Variants in PRKCQ observed in about 807,000 individuals in gnomAD.
PRKCQ encodes the protein protein kinase C theta.
In PRKCQ, 41 loss-of-function variants were observed where a neutral mutation model predicts 91.2. That is an observed-to-expected ratio of 0.45 (90% CI 0.35 to 0.58). The LOEUF (loss-of-function observed/expected upper bound fraction) is 0.58, where lower values mean the gene tolerates loss of function less well. Ranked by LOEUF, PRKCQ falls within the 20% of genes least tolerant of loss-of-function variation. The pLI, the probability that PRKCQ is intolerant of heterozygous loss-of-function variation, is 0.00. For synonymous variants in PRKCQ, 307 were observed against 316.9 expected (o/e 0.97, Z 0.33); for missense variants, 673 against 896.5 (o/e 0.75, Z 3.18).
the PRKCQ span, among the ~76,000 whole-genome samples, chr10:6,419,703 T>G: frequency 1.3e-5 from 2 of 150,494 alleles, no homozygotes; most frequent in African/African-American, 4.9e-5. Flanking sequence ...TTTTTTTTTT[T>G]TTTGAGACAG....
intron 16 of PRKCQ, 65 bp from the exon 17 acceptor site, chr10:6,431,003 T>A: frequency 6.5e-7 from 1 of 1,538,484 alleles, no homozygotes. Flanking sequence ...CAGGAGGTCG[T>A]GGTGCTTCCT....
At position 6,507,476 on chromosome 10, in the gene PRKCQ, G is replaced by C. The variant is rs1838256457; in HGVS notation, c.339C>G (p.Gly113=). ...TEIWLELKPQ[G]RMLMNARYFL... is the part of the protein sequence containing the mutation. ...AGTATCTTGCATTCATTAGCATTCG[G>C]CCTTGAGGTTTCAGCTCTAACTGGT... Residue 113 remains glycine, a synonymous_variant, in exon 4 of 18, where the codon GGC becomes GGG. Coordinates refer to ENST00000263125, the MANE Select transcript of PRKCQ (RefSeq NM_006257.5). 6.2e-7 allele frequency: 1 copy of C among 1,613,724 alleles called. No individual in the cohort carries two copies. The highest frequency in any genetic ancestry group is 8.5e-7 in the Non-Finnish European group (1 of 1,179,718).
chr10:6,416,571 C>T, the PRKCQ span, among the ~76,000 whole-genome samples: 1 of 152,188 alleles, frequency 6.6e-6, no homozygotes, highest in African/African-American at 2.4e-5. Flanking sequence ...GAGTAGTGTG[C>T]TATGGTGTAT....
intron 1 of PRKCQ, among the ~76,000 whole-genome samples, chr10:6,551,358 T>G (rs1052247512): frequency 2.0e-5 from 3 of 152,186 alleles, no homozygotes; most frequent in Non-Finnish European, 4.4e-5. Context: ...GTCTGCATAG[T>G]ATTCCATGGT....
chr10:6,422,110 T>C, the PRKCQ span, among the ~76,000 whole-genome samples: 2 of 152,208 alleles, frequency 1.3e-5, no homozygotes, highest in African/African-American at 2.4e-5. Flanking sequence ...ATCAATCAGA[T>C]AGAATTATTT....
intron 1 of PRKCQ, among the ~76,000 whole-genome samples, chr10:6,518,863 A>C (rs958285356): frequency 6.6e-6 from 1 of 152,208 alleles, no homozygotes; most frequent in Non-Finnish European, 1.5e-5. Flanking sequence ...TAAAAACAAT[A>C]ATATGTTTTT....
chr10:6,498,476 G>A lies in PRKCQ; in HGVS notation c.462C>T (p.Val154=). Residue 154 remains valine (V), a synonymous_variant, in exon 5 of 18, where the codon GTC becomes GTT. Transcript: ENST00000263125. ...TGAACTCGTGGCACTTGACGTGGTGGACCTTTGCCTGCTTGATGGCACCCC... is the reference window on the plus strand; with the variant it reads ...TGAACTCGTGGCACTTGACGTGGTGAACCTTTGCCTGCTTGATGGCACCCC... ...QRRGAIKQAK[V]HHVKCHEFTA... is the part of the protein sequence containing the mutation. 1 of 1,614,212 alleles carries A rather than the reference G, an allele frequency of 6.2e-7. No individual in the cohort carries two copies. The highest frequency in any genetic ancestry group is 1.6e-4 in the Middle Eastern group (1 of 6,062).
the PRKCQ span, among the ~76,000 whole-genome samples, chr10:6,419,460 A>G: frequency 6.8e-6 from 1 of 146,236 alleles, no homozygotes; most frequent in Non-Finnish European, 1.5e-5. Context: ...CCCCACACAC[A>G]TACCCTCCAT....
At chr10:6,519,245 A>G (rs1448506175) in intron 1 of PRKCQ, among the ~76,000 whole-genome samples, 1 of 152,200 alleles carries the variant, frequency 6.6e-6, no homozygotes. Flanking sequence ...GTGCTGGAAT[A>G]GCCTGCCTCA....
Position 6,485,240 on chromosome 10 carries a change from G to A in PRKCQ, c.930C>T (p.Ile310=). The change falls in exon 10 of 18, where the codon ATC becomes ATT. Residue 310 remains isoleucine, a synonymous_variant. Transcript: ENST00000263125. ...CAATTTCAACCGGACCTTCTCTGAA[G>A]ATCTGTTCAGTATCTCTTAAGCAGC... ...QARCLRDTEQ[I]FREGPVEIGL... The A allele has an allele frequency of 2.5e-6, 4 of 1,614,034 alleles. No homozygotes were observed. Among genetic ancestry groups the A allele is most frequent in the Non-Finnish European group, 3.4e-6 (4 of 1,179,970 alleles).
At chr10:6,498,709 G>A in intron 4 of PRKCQ, 151 bp from the exon 5 acceptor site, 1 of 677,946 alleles carries the variant, frequency 1.5e-6, no homozygotes, top group Non-Finnish European at 2.5e-6. Context: ...ATTATGGTGG[G>A]TACCACACTA....
chr10:6,467,176 A>C (rs1835697627), intron 12 of PRKCQ, among the ~76,000 whole-genome samples: 1 of 152,118 alleles, frequency 6.6e-6, no homozygotes, highest in Non-Finnish European at 1.5e-5. Context: ...TTCCCAGAAG[A>C]AGCAAATGAA....
At chr10:6,483,288 G>A in intron 11 of PRKCQ, 152 bp downstream of exon 11, 1 of 972,132 alleles carries the variant, frequency 1.0e-6, no homozygotes, top group Non-Finnish European at 1.6e-6. Flanking sequence ...AGAGCCCTCG[G>A]GGTCCCTATT....
chr10:6,404,601 CTCTTTCTCTCTT>C, the PRKCQ span, among the ~76,000 whole-genome samples: 53 of 135,130 alleles, frequency 3.9e-4, 1 homozygote, highest in South Asian at 4.3e-3. Context: ...TTTTCTCTCT[CTCTTTCTCTCTT>C]TCTTTCTCTC....
At chr10:6,527,145 G>A (rs1170870848) in intron 1 of PRKCQ, among the ~76,000 whole-genome samples, 3 of 152,160 alleles carry the variant, frequency 2.0e-5, no homozygotes, top group Non-Finnish European at 2.9e-5. Context: ...TTTTGGACAC[G>A]TTAACTTTGA....
chr10:6,423,778 T>C (rs1833058211), downstream of PRKCQ, among the ~76,000 whole-genome samples: 1 of 152,214 alleles, frequency 6.6e-6, no homozygotes, highest in Non-Finnish European at 1.5e-5. Context: ...CTTGGCCATC[T>C]GGTTTTTGCC....
intron 11 of PRKCQ, among the ~76,000 whole-genome samples, chr10:6,482,783 C>T (rs755416622): frequency 2.6e-5 from 4 of 152,178 alleles, no homozygotes; most frequent in East Asian, 1.9e-4. Context: ...AGCAAAGGGA[C>T]GTCTTACGTG....
At chr10:6,543,958 C>G (rs1316791072) in intron 1 of PRKCQ, among the ~76,000 whole-genome samples, 2 of 152,152 alleles carry the variant, frequency 1.3e-5, no homozygotes, top group African/African-American at 2.4e-5. Context: ...ACCTCCAACC[C>G]CACGACACTG....
intron 1 of PRKCQ, among the ~76,000 whole-genome samples, chr10:6,542,044 G>A (rs1839793890): frequency 1.3e-5 from 2 of 152,158 alleles, no homozygotes; most frequent in Non-Finnish European, 2.9e-5. Flanking sequence ...CCTCAACTCT[G>A]TCAGAGGCAG....
Sources: allele counts gnomAD v4.1 joint callset (sites outside exome capture counted in the v4.1 genomes callset), GRCh38; gene constraint gnomAD v4.1.1; transcripts MANE v1.5; gene names NCBI Gene and HGNC (gene_info 2026-07-23, HGNC 2026-07-21).